The following HDAC9 variants were observed in gnomAD, a reference collection of about 807,000 sequenced individuals.
HDAC9 encodes the protein histone deacetylase 9.
In HDAC9, 41 loss-of-function variants were observed where a neutral mutation model predicts 139.4. The observed-to-expected ratio is 0.29, with a 90% confidence interval of 0.23 to 0.38. The LOEUF is 0.38. Ranked by LOEUF, HDAC9 falls within the 10% of genes least tolerant of loss-of-function variation. The pLI is 1.00. For synonymous variants in HDAC9, 517 were observed against 476.2 expected (o/e 1.09, Z -1.12); for missense variants, 1,147 against 1,297.0 (o/e 0.88, Z 1.78).
At chr7:18,427,872 C>G (rs1790272006) in intron 1 of HDAC9, among the ~76,000 whole-genome samples, 2 of 151,736 alleles carry the variant, frequency 1.3e-5, no homozygotes, top group South Asian at 4.2e-4. Flanking sequence ...AATTTTATAC[C>G]CATTGATTAG....
At chr7:18,685,948 A>G (rs1782238362) in intron 12 of HDAC9, among the ~76,000 whole-genome samples, 1 of 151,986 alleles carries the variant, frequency 6.6e-6, no homozygotes, top group Admixed American at 6.6e-5. Context: ...ATTGAAAGCT[A>G]ATTAATTGCC....
rs189850418 is a variant in HDAC9, at chr7:18,745,340, G to T, written c.1910-3665G>T. ...GGCCTTCCAAGAGCCCCTGGACTTTGAATTATAATCTCTAGGTACCTGGCA... is the reference window on the plus strand; with the variant it reads ...GGCCTTCCAAGAGCCCCTGGACTTTTAATTATAATCTCTAGGTACCTGGCA... On this transcript the variant is annotated intron_variant, in intron 13 of 25. Coordinates refer to ENST00000686413, the MANE Select transcript of HDAC9 (RefSeq NM_178425.4). 3.0e-4 allele frequency among the ~76,000 whole-genome samples: 46 copies of T among 152,140 alleles called. No homozygotes were observed. The East Asian group carries it at 6.0e-3, about 20-fold the overall frequency.
chr7:18,852,652 G>A (rs1797387455), intron 21 of HDAC9, among the ~76,000 whole-genome samples: 1 of 152,136 alleles, frequency 6.6e-6, no homozygotes, highest in Non-Finnish European at 1.5e-5. Flanking sequence ...TGAAACAATG[G>A]ACACTGCACC....
At chr7:18,332,861 C>G (rs1264043542) in intron 1 of HDAC9, among the ~76,000 whole-genome samples, 1 of 151,484 alleles carries the variant, frequency 6.6e-6, no homozygotes, top group Non-Finnish European at 1.5e-5. Flanking sequence ...AAGCAGAAAC[C>G]TGGCTTAATT....
intron 14 of HDAC9, among the ~76,000 whole-genome samples, chr7:18,751,340 A>G (rs1788428688): frequency 1.3e-5 from 2 of 152,098 alleles, no homozygotes; most frequent in South Asian, 4.1e-4. Context: ...AGGTCAGCAG[A>G]TTTGCTCTTA....
chr7:18,149,348 A>T (rs1311034588), intron 1 of HDAC9, among the ~76,000 whole-genome samples: 4 of 147,730 alleles, frequency 2.7e-5, no homozygotes, highest in African/African-American at 9.8e-5. Flanking sequence ...ATAATTAATA[A>T]TTTTTTCTTT....
chr7:18,887,346 G>C (rs1213416417), intron 22 of HDAC9, among the ~76,000 whole-genome samples: 1 of 152,138 alleles, frequency 6.6e-6, no homozygotes, highest in Non-Finnish European at 1.5e-5. Flanking sequence ...TAGGGACCAG[G>C]CTTTGAGAAC....
chr7:18,379,749 G>C (rs1366350860), intron 1 of HDAC9, among the ~76,000 whole-genome samples: 1 of 152,148 alleles, frequency 6.6e-6, no homozygotes, highest in Non-Finnish European at 1.5e-5. Context: ...TCATTGTGTA[G>C]TTTTTCTGAG....
At chr7:18,465,924 T>G (rs1158371281) in intron 1 of HDAC9, among the ~76,000 whole-genome samples, 3 of 152,208 alleles carry the variant, frequency 2.0e-5, no homozygotes, top group Non-Finnish European at 4.4e-5. Context: ...TAACATAAAT[T>G]TAGCAGGTTA....
At chr7:18,858,743 G>A (rs547254054) in intron 21 of HDAC9, among the ~76,000 whole-genome samples, 25 of 152,192 alleles carry the variant, frequency 1.6e-4, no homozygotes, top group African/African-American at 4.8e-4. Context: ...TGGAAATTTC[G>A]TACTTTGTGG....
chr7:18,520,067 G>T (rs1364507240), intron 2 of HDAC9, among the ~76,000 whole-genome samples: 1 of 151,706 alleles, frequency 6.6e-6, no homozygotes, highest in Non-Finnish European at 1.5e-5. Flanking sequence ...AGTAGTAAAA[G>T]TATTTTAACC....
In HDAC9 at chr7:18,412,309, T is replaced by C. The variant is rs146409480; in HGVS notation, c.-41-83953T>C. On this transcript the variant is annotated intron_variant, in intron 1 of 3. Coordinates refer to the HDAC9 transcript ENST00000413509. ...TTATTTTCTAGCCAGAGTAGATAAA[T>C]AAACAAACAATATATAGCTCACTGA... 5.5e-3 allele frequency among the ~76,000 whole-genome samples: 829 copies of C among 152,062 alleles called. 1 individual carries two copies. Among genetic ancestry groups the C allele is most frequent in the Non-Finnish European group, 9.6e-3 (654 of 67,956 alleles).
chr7:18,448,845 A>G (rs1220135957), intron 1 of HDAC9, among the ~76,000 whole-genome samples: 3 of 152,150 alleles, frequency 2.0e-5, no homozygotes, highest in Non-Finnish European at 2.9e-5. Flanking sequence ...TGATGTGTTG[A>G]TAGTTCAAGA....
intron 2 of HDAC9, among the ~76,000 whole-genome samples, chr7:18,545,558 A>G (rs1184932232): frequency 2.0e-5 from 3 of 152,292 alleles, no homozygotes; most frequent in African/African-American, 7.2e-5. Flanking sequence ...CACGGGCACC[A>G]TAAAGCAGAA....
At chr7:18,994,457 C>T (rs1400896126) in intron 25 of HDAC9, among the ~76,000 whole-genome samples, 1 of 152,110 alleles carries the variant, frequency 6.6e-6, no homozygotes, top group Non-Finnish European at 1.5e-5. Flanking sequence ...TATGTACCAC[C>T]TCTAAACTCT....
chr7:18,695,415 G>A (rs1782973591), intron 12 of HDAC9, among the ~76,000 whole-genome samples: 1 of 152,058 alleles, frequency 6.6e-6, no homozygotes, highest in Non-Finnish European at 1.5e-5. Flanking sequence ...CAATAAATGA[G>A]GACTGTGTTT....
chr7:18,116,578 AATAT>A (rs1783998871), intron 1 of HDAC9, among the ~76,000 whole-genome samples: 1 of 152,224 alleles, frequency 6.6e-6, no homozygotes, highest in Admixed American at 6.5e-5. Context: ...TATCACATAA[AATAT>A]ATATGTTTTG....
intron 2 of HDAC9, among the ~76,000 whole-genome samples, chr7:18,538,298 G>T (rs1280695650): frequency 2.0e-5 from 3 of 152,152 alleles, no homozygotes; most frequent in Non-Finnish European, 4.4e-5. Flanking sequence ...TTATCACACA[G>T]CTCAGCCACA....
intron 1 of HDAC9, among the ~76,000 whole-genome samples, chr7:18,308,914 T>G (rs1799108508): frequency 6.6e-6 from 1 of 152,222 alleles, no homozygotes; most frequent in Non-Finnish European, 1.5e-5. Flanking sequence ...TTTACCTGTG[T>G]GCATAGATGT....
Sources: allele counts gnomAD v4.1 joint callset (sites outside exome capture counted in the v4.1 genomes callset), GRCh38; gene constraint gnomAD v4.1.1; transcripts MANE v1.5; gene names NCBI Gene and HGNC (gene_info 2026-07-23, HGNC 2026-07-21).